The following SIRT4 variants were observed in gnomAD, a reference collection of about 807,000 sequenced individuals.
The protein encoded by SIRT4 is sirtuin 4.
Under a neutral mutation model 26.1 loss-of-function variants are expected in SIRT4, and 23 were observed. The ratio of observed to expected loss-of-function variants is 0.88; its 90% CI spans 0.63 to 1.25. SIRT4 has a LOEUF of 1.25. SIRT4 is among the 50% of genes most tolerant of loss of function. The pLI, the probability that SIRT4 is intolerant of heterozygous loss-of-function variation, is 0.00. For missense variants in SIRT4, 361 were observed against 405.4 expected, an observed-to-expected ratio of 0.89 and a Z score of 0.94; for synonymous variants, 155 against 158.4, an observed-to-expected ratio of 0.98 and a Z score of 0.16.
rs372132196 is a variant in SIRT4, at chr12:120,304,075, C to T, written c.497+17C>T. 26 of 1,600,380 alleles carry T rather than the reference C, an allele frequency of 1.6e-5. No homozygotes were observed. The highest frequency in any genetic ancestry group is 3.3e-4 in the Middle Eastern group (2 of 6,070). On this transcript the variant is annotated intron_variant, in intron 2 of 3. Coordinates refer to ENST00000202967, the MANE Select transcript of SIRT4 (RefSeq NM_012240.3). ...CATGGACAGGTGCAGGAGCTGTACACGGTTTGAACGCAAACCCGTGTGTTG... is the reference window on the plus strand; with the variant it reads ...CATGGACAGGTGCAGGAGCTGTACATGGTTTGAACGCAAACCCGTGTGTTG...
At chr12:120,298,484 C>G (rs563867333), upstream of SIRT4, among the ~76,000 whole-genome samples, 78 of 151,782 alleles carry the variant, frequency 5.1e-4, no homozygotes, top group African/African-American at 1.8e-3. Flanking sequence ...CCCAGCTACT[C>G]AGGAGGCTGA....
the SIRT4 span, among the ~76,000 whole-genome samples, chr12:120,292,799 T>C: frequency 2.7e-5 from 4 of 146,288 alleles, no homozygotes; most frequent in Admixed American, 1.4e-4. Flanking sequence ...AGCGACAGAC[T>C]TCGTCTCAAA....
the SIRT4 span, among the ~76,000 whole-genome samples, chr12:120,293,433 G>A: frequency 6.6e-6 from 1 of 152,162 alleles, no homozygotes; most frequent in African/African-American, 2.4e-5. Flanking sequence ...TTGTTGATAT[G>A]AAGCAAAGCA....
intron 1 of SIRT4, among the ~76,000 whole-genome samples, chr12:120,302,960 T>G (rs955697730): frequency 1.3e-5 from 2 of 151,212 alleles, no homozygotes; most frequent in African/African-American, 4.9e-5. Context: ...TGATCTCAAG[T>G]GATCTGCCTG....
chr12:120,306,488 A>C (rs79103869), intron 2 of SIRT4, among the ~76,000 whole-genome samples: 3,579 of 151,080 alleles, frequency 0.024, 84 homozygotes, highest in Non-Finnish European at 0.035. Flanking sequence ...GTCAAAAAAA[A>C]AAACAAACAA....
rs146483726 is a variant in SIRT4 at position 120,303,955 on chromosome 12, G to A, written c.394G>A (p.Glu132Lys). ...TGCACACTGGGCTTTGAGCACCTGG[G>A]AGAAACTCGGAAAGCTGTACTGGTT... Reference protein sequence around the residue: ...NPAHWALSTWEKLGKLYWLVT... With the variant: ...NPAHWALSTWKKLGKLYWLVT... Residue 132 changes from glutamate to lysine, a missense_variant, in exon 2 of 4, where the codon GAG becomes AAG. Glu to Lys is a moderately conservative substitution (Grantham distance 56). Coordinates refer to ENST00000202967, the MANE Select transcript of SIRT4 (RefSeq NM_012240.3). 1 of 1,614,192 alleles carries A rather than the reference G, an allele frequency of 6.2e-7. No homozygotes were observed. Among genetic ancestry groups the A allele is most frequent in the Non-Finnish European group, 8.5e-7 (1 of 1,180,042 alleles).
the SIRT4 span, chr12:120,291,883 A>G: frequency 6.6e-6 from 1 of 152,078 alleles, no homozygotes; most frequent in Non-Finnish European, 1.5e-5. Context: ...ATTGGCTACG[A>G]TACTGCCACT....
At chr12:120,299,044 G>T (rs1025335676), upstream of SIRT4, among the ~76,000 whole-genome samples, 7 of 149,190 alleles carry the variant, frequency 4.7e-5, no homozygotes, top group African/African-American at 1.7e-4. Flanking sequence ...GGCTAACACG[G>T]TGAAACCCCG....
chr12:120,291,887 T>A, the SIRT4 span: 1 of 152,116 alleles, frequency 6.6e-6, no homozygotes, highest in Non-Finnish European at 1.5e-5. Context: ...GCTACGATAC[T>A]GCCACTGCGC....
At chr12:120,304,791 G>A (rs1872673822) in intron 2 of SIRT4, among the ~76,000 whole-genome samples, 1 of 131,268 alleles carries the variant, frequency 7.6e-6, no homozygotes, top group African/African-American at 2.9e-5. Context: ...CTCTATATAA[G>A]TAAAGTAAAT....
upstream of SIRT4, among the ~76,000 whole-genome samples, chr12:120,301,935 C>T (rs983566297): frequency 3.4e-4 from 51 of 151,506 alleles, no homozygotes; most frequent in African/African-American, 1.2e-3. Context: ...ATAATCCCAG[C>T]TACTCGGGAG....
chr12:120,295,898 ATACAAAAATACAAAAT>A, the SIRT4 span, among the ~76,000 whole-genome samples: 4 of 151,664 alleles, frequency 2.6e-5, no homozygotes, highest in African/African-American at 9.7e-5. Context: ...TAAATACAAA[ATACAAAAATACAAAAT>A]TACAAAAATA....
At chr12:120,299,962 C>T (rs1872484935), upstream of SIRT4, among the ~76,000 whole-genome samples, 1 of 151,922 alleles carries the variant, frequency 6.6e-6, no homozygotes, top group Non-Finnish European at 1.5e-5. Context: ...GTCACAGAGT[C>T]AGGGGCTTCA....
intron 2 of SIRT4, among the ~76,000 whole-genome samples, chr12:120,305,022 C>T (rs1872699295): frequency 6.6e-6 from 1 of 151,244 alleles, no homozygotes; most frequent in African/African-American, 2.4e-5. Context: ...GAAGTGGTGG[C>T]ACGCACCTGT....
the SIRT4 span, among the ~76,000 whole-genome samples, chr12:120,294,600 G>A: frequency 6.6e-6 from 1 of 152,038 alleles, no homozygotes; most frequent in Admixed American, 6.6e-5. Context: ...TGTCGCCCAG[G>A]CTGGAATGCA....
At chr12:120,300,502 G>A (rs553241567), upstream of SIRT4, among the ~76,000 whole-genome samples, 2 of 152,216 alleles carry the variant, frequency 1.3e-5, no homozygotes, top group South Asian at 4.1e-4. Flanking sequence ...CTGAAGTGCA[G>A]TCGCACAATT....
upstream of SIRT4, among the ~76,000 whole-genome samples, chr12:120,297,316 C>CAAAA (rs56259520): frequency 5.3e-4 from 36 of 67,646 alleles, no homozygotes; most frequent in African/African-American, 8.8e-4. Flanking sequence ...CGCCTGTAAT[C>CAAAA]AAAAAAAAAA....
chr12:120,303,034 C>T (rs910033872), intron 1 of SIRT4, among the ~76,000 whole-genome samples: 1 of 151,818 alleles, frequency 6.6e-6, no homozygotes, highest in Non-Finnish European at 1.5e-5. Context: ...TCTATTGTTA[C>T]AGCTAGAAAA....
the SIRT4 span, chr12:120,293,200 A>G: frequency 0.051 from 7,712 of 152,294 alleles, 338 homozygotes; most frequent in Admixed American, 0.14. Context: ...CGCCTCGGAT[A>G]GACCTCATTG....
Sources: gnomAD v4.1 joint callset for allele counts (sites outside exome capture counted in the v4.1 genomes callset) on GRCh38, gnomAD v4.1.1 for gene constraint, MANE v1.5 for transcripts, NCBI Gene and HGNC (gene_info 2026-07-23, HGNC 2026-07-21) for gene names.